The following NCAPD3 variants were observed in gnomAD, a reference collection of about 807,000 sequenced individuals.
The protein encoded by NCAPD3 is non-SMC condensin II complex subunit D3.
Under a neutral mutation model 182.9 loss-of-function variants are expected in NCAPD3, and 105 were observed. The ratio of observed to expected loss-of-function variants is 0.57; its 90% CI spans 0.49 to 0.68. The LOEUF (loss-of-function observed/expected upper bound fraction) is 0.68. NCAPD3 is among the 30% of genes least tolerant of loss of function. NCAPD3 has a pLI of 0.00. For missense variants in NCAPD3, 1,944 were observed against 1,837.0 expected, an observed-to-expected ratio of 1.06 and a Z score of -1.07; for synonymous variants, 815 against 679.9, an observed-to-expected ratio of 1.20 and a Z score of -3.09.
intron 27 of NCAPD3, among the ~76,000 whole-genome samples, chr11:134,162,345 A>C (rs571453072): frequency 6.6e-6 from 1 of 152,362 alleles, no homozygotes; most frequent in African/African-American, 2.4e-5. Flanking sequence ...ATGGCTAAGC[A>C]TGAAGACAGC....
chr11:134,176,441 C>T (rs1337786673), intron 23 of NCAPD3, 55 bp from the exon 24 acceptor site: 2 of 1,488,018 alleles, frequency 1.3e-6, no homozygotes, highest in East Asian at 4.5e-5. Context: ...GCAAGCCTCA[C>T]TGTTCCCAGC....
chr11:134,156,696 C>G (rs1299736790), intron 32 of NCAPD3, among the ~76,000 whole-genome samples: 1 of 152,168 alleles, frequency 6.6e-6, no homozygotes, highest in Non-Finnish European at 1.5e-5. Context: ...CCGGACAGCC[C>G]AGAGACACGG....
At chr11:134,165,623 G>A (rs1943757248) in intron 27 of NCAPD3, among the ~76,000 whole-genome samples, 1 of 140,064 alleles carries the variant, frequency 7.1e-6, no homozygotes, top group Non-Finnish European at 1.5e-5. Flanking sequence ...GCACACTCGT[G>A]AGATGAGCTT....
At chr11:134,180,996 G>A (rs1007746335) in intron 20 of NCAPD3, 81 bp downstream of exon 20, 25 of 1,012,750 alleles carry the variant, frequency 2.5e-5, no homozygotes, top group Middle Eastern at 2.0e-4. Flanking sequence ...CATTTAAAGC[G>A]TACATGACAA....
At position 134,203,125 on chromosome 11, in the gene NCAPD3, A is replaced by G; in HGVS notation, c.1525+17T>C. 1 of 1,539,196 alleles carries G rather than the reference A, an allele frequency of 6.5e-7. No individual in the cohort carries two copies. Among genetic ancestry groups the G allele is most frequent in the Non-Finnish European group, 8.9e-7 (1 of 1,117,972 alleles). On this transcript the variant is annotated intron_variant, in intron 12 of 34. Transcript: ENST00000534548. Reference sequence around the variant, plus strand: ...AAAGATAATCATTCAATATTTGAAAATGTATTGATCCATTACCTGATGAAT... The same window carrying G: ...AAAGATAATCATTCAATATTTGAAAGTGTATTGATCCATTACCTGATGAAT...
chr11:134,183,303 C>A (rs1944334688), intron 19 of NCAPD3: 4 of 375,674 alleles, frequency 1.1e-5, no homozygotes, highest in South Asian at 8.0e-5. Context: ...CTCAGTCTTA[C>A]CACGCCTGTA....
In NCAPD3 at chr11:134,178,921, T is replaced by C; in HGVS notation, c.2575A>G (p.Thr859Ala). 6.2e-7 allele frequency: 1 copy of C among 1,613,194 alleles called. No individual in the cohort carries two copies. The highest frequency in any genetic ancestry group is 8.5e-7 in the Non-Finnish European group (1 of 1,179,320). Residue 859 changes from threonine to alanine, a missense_variant, in exon 21 of 35, where the codon ACC becomes GCC. Thr to Ala is a moderately conservative substitution (Grantham distance 58). This residue lies in a region of NCAPD3 where 1,803 missense variants were observed against 1,674.6 expected (regional missense o/e 1.08). Transcript: ENST00000534548. ...DEDLLVKYIF[T>A]LGDIAQLCPA... Reference sequence around the variant, plus strand: ...CACAGCTGGGCTATATCCCCTAAGGTAAAAATGTACTTCACCTACAAAGAT... The same window carrying C: ...CACAGCTGGGCTATATCCCCTAAGGCAAAAATGTACTTCACCTACAAAGAT...
At position 134,153,370 on chromosome 11, in the gene NCAPD3, AAAGAG is replaced by A. The variant is rs1565512505; in HGVS notation, c.4253-12_4253-8del. On this transcript the variant is annotated splice_polypyrimidine_tract_variant and splice_region_variant and intron_variant, in intron 32 of 34. Coordinates refer to ENST00000534548, the MANE Select transcript of NCAPD3 (RefSeq NM_015261.3). ...GTGACATCACTGATGCTCTCTGCAT[AAAGAG>A]GAGACACCACTGAGTGAAAGCCGCG... 1 of 1,614,028 alleles carries A rather than the reference AAAGAG, an allele frequency of 6.2e-7. No individual in the cohort carries two copies. The highest frequency in any genetic ancestry group is 2.2e-5 in the East Asian group (1 of 44,874).
chr11:134,185,565 TAA>T, intron 16 of NCAPD3, 39 bp from the exon 17 acceptor site: 1 of 1,500,408 alleles, frequency 6.7e-7, no homozygotes, highest in East Asian at 2.3e-5. Flanking sequence ...ATTGCAACTG[TAA>T]ATATACAAAA....
rs778033495 is a variant in NCAPD3, at chr11:134,153,163, T to C, written c.4365A>G (p.Leu1455=). 11 of 1,613,988 alleles carry C rather than the reference T, an allele frequency of 6.8e-6. No individual in the cohort carries two copies. Among genetic ancestry groups the C allele is most frequent in the Admixed American group, 1.7e-5 (1 of 60,004 alleles). Residue 1455 remains leucine, a synonymous_variant, in exon 34 of 35, where the codon TTA becomes TTG. Transcript: ENST00000534548. ...ACGGTTTATCAGGCAGTGATAAACA[T>C]AAGATGTCATTTCCTTGACTCCGGC... ...IEGRSQGNDI[L]CLSLPDKPPP... is the part of the protein sequence containing the mutation.
At chr11:134,207,563 T>G (rs1937650468) in intron 7 of NCAPD3, among the ~76,000 whole-genome samples, 1 of 151,916 alleles carries the variant, frequency 6.6e-6, no homozygotes, top group Non-Finnish European at 1.5e-5. Context: ...CTGGCCAACA[T>G]GGTGAAACCC....
At chr11:134,156,832 C>T (rs1339710000) in intron 32 of NCAPD3, 186 bp downstream of exon 32, 5 of 511,718 alleles carry the variant, frequency 9.8e-6, no homozygotes, top group Non-Finnish European at 1.0e-5. Context: ...GAACAACATA[C>T]TCGGTCAGTG....
intron 27 of NCAPD3, among the ~76,000 whole-genome samples, chr11:134,162,461 A>G (rs1032986258): frequency 1.3e-5 from 2 of 152,130 alleles, no homozygotes; most frequent in African/African-American, 4.8e-5. Context: ...ATGATCACTA[A>G]CCACAAATAT....
chr11:134,177,154 C>T, intron 23 of NCAPD3, 65 bp downstream of exon 23: 5 of 1,275,620 alleles, frequency 3.9e-6, no homozygotes, highest in Non-Finnish European at 5.7e-6. Flanking sequence ...CTATGCTACT[C>T]AAATATTCCC....
chr11:134,177,482 C>T (rs1213747194), intron 22 of NCAPD3, 25 bp from the exon 23 acceptor site: 4 of 1,585,136 alleles, frequency 2.5e-6, no homozygotes, highest in Non-Finnish European at 3.5e-6. Context: ...AGGAAGATGT[C>T]TCAACTGTAT....
chr11:134,178,929 T>C lies in NCAPD3; in HGVS notation c.2567A>G (p.Tyr856Cys), dbSNP rs767655140. 2 of 1,608,972 alleles carry C rather than the reference T, an allele frequency of 1.2e-6. No individual in the cohort carries two copies. The highest frequency in any genetic ancestry group is 3.3e-5 in the Admixed American group (2 of 59,968). ...GGCTATATCCCCTAAGGTAAAAATG[T>C]ACTTCACCTACAAAGATAATTGGTT... Reference protein sequence around the residue: ...GNMDEDLLVKYIFTLGDIAQL... With the variant: ...GNMDEDLLVKCIFTLGDIAQL... Residue 856 changes from tyrosine (Y) to cysteine (C), a missense_variant, in exon 21 of 35, where the codon TAC becomes TGC. Coordinates refer to ENST00000534548, the MANE Select transcript of NCAPD3 (RefSeq NM_015261.3).
rs1944513424 is a variant in NCAPD3, at chr11:134,191,041, T to C, written c.2045+1648A>G. Among the ~76,000 whole-genome samples, 4 of 152,246 alleles carry C rather than the reference T, an allele frequency of 2.6e-5. No homozygotes were observed. The South Asian group carries it at 6.2e-4, about 24-fold the overall frequency. Reference sequence around the variant, plus strand: ...TACTTCTCCATACTTCTGAATTCTTTTGACATGGCTATCTTCCTCTGCTGA... The same window carrying C: ...TACTTCTCCATACTTCTGAATTCTTCTGACATGGCTATCTTCCTCTGCTGA... On this transcript the variant is annotated intron_variant, in intron 16 of 34. Transcript: ENST00000534548.
chr11:134,158,160 G>A (rs935156124), intron 30 of NCAPD3, 93 bp from the exon 31 acceptor site: 3 of 1,534,156 alleles, frequency 2.0e-6, no homozygotes, highest in East Asian at 2.3e-5. Flanking sequence ...CTCCTCACCG[G>A]CGCATCCCTC....
In NCAPD3 at chr11:134,152,565, T is replaced by C. The variant is rs1169281748; in HGVS notation, c.*379A>G. On this transcript the variant is annotated 3_prime_UTR_variant, in exon 35 of 35. Transcript: ENST00000534548. ...TTTCGTCATTACAGATGGGAAAATA[T>C]GTACTATAAGGAATTCAAGTTAACA... 2.4e-5 allele frequency: 4 copies of C among 165,484 alleles called. No homozygotes were observed. The highest frequency in any genetic ancestry group is 5.2e-5 in the Non-Finnish European group (4 of 77,448). The allele number at this position is 165,484 out of a possible 1,614,324, so 10.3% of individuals were successfully genotyped here. A position where few individuals can be genotyped will look rare whatever the true frequency, so the allele number is the denominator to read the frequency against.
Sources: gnomAD v4.1 joint callset for allele counts (sites outside exome capture counted in the v4.1 genomes callset) on GRCh38, gnomAD v4.1.1 for gene constraint, gnomAD v4.1.1 regional missense constraint, MANE v1.5 for transcripts, NCBI Gene and HGNC (gene_info 2026-07-23, HGNC 2026-07-21) for gene names.